The following TMEM260 variants were observed in gnomAD, a reference collection of about 807,000 sequenced individuals.
TMEM260 encodes the protein protein O-mannosyl-transferase TMEM260.
Under a neutral mutation model 88.9 loss-of-function variants are expected in TMEM260, and 82 were observed. The ratio of observed to expected loss-of-function variants is 0.92; its 90% CI spans 0.77 to 1.11. TMEM260 has a LOEUF of 1.11. TMEM260 is among the 50% of genes least tolerant of loss of function. The pLI is 0.00. For synonymous variants in TMEM260, 314 were observed against 309.3 expected, an observed-to-expected ratio of 1.02 and a Z score of -0.16; for missense variants, 902 against 853.4, an observed-to-expected ratio of 1.06 and a Z score of -0.71.
intron 14 of TMEM260, 125 bp from the exon 15 acceptor site, chr14:56,636,383 T>A (rs1048951045): frequency 1.7e-5 from 12 of 723,844 alleles, no homozygotes; most frequent in East Asian, 2.7e-5. Flanking sequence ...TATGAGAGAA[T>A]TGAAAATAAT....
At chr14:56,593,864 T>A (rs1439903455) in intron 3 of TMEM260, among the ~76,000 whole-genome samples, 6 of 151,488 alleles carry the variant, frequency 4.0e-5, no homozygotes, top group Admixed American at 3.9e-4. Context: ...ATTTTTTGTA[T>A]TTTTAGTAGA....
intron 8 of TMEM260, chr14:56,616,245 A>C (rs1887587304): frequency 2.4e-6 from 1 of 419,548 alleles, no homozygotes; most frequent in African/African-American, 2.0e-5. Context: ...ACATCTAAGT[A>C]GACAGTCATT....
chr14:56,618,104 T>C (rs1245461719), intron 9 of TMEM260, among the ~76,000 whole-genome samples: 1 of 152,086 alleles, frequency 6.6e-6, no homozygotes, highest in African/African-American at 2.4e-5. Flanking sequence ...GGACAAGTGC[T>C]TCCTGTGGGT....
intron 3 of TMEM260, among the ~76,000 whole-genome samples, chr14:56,600,991 T>C (rs1886537964): frequency 6.6e-6 from 1 of 152,108 alleles, no homozygotes. Flanking sequence ...ATCTTGACCT[T>C]AGTGGGGAGA....
chr14:56,581,656 A>G (rs1248613122), intron 1 of TMEM260, among the ~76,000 whole-genome samples: 1 of 152,228 alleles, frequency 6.6e-6, no homozygotes, highest in Non-Finnish European at 1.5e-5. Context: ...CAAGTGCTTT[A>G]TATGGGTTGT....
chr14:56,605,728 G>T, intron 5 of TMEM260, 45 bp downstream of exon 5: 1 of 1,152,080 alleles, frequency 8.7e-7, no homozygotes, highest in South Asian at 1.4e-5. Flanking sequence ...ATTTTACTTA[G>T]GTCTAATATA....
intron 15 of TMEM260, among the ~76,000 whole-genome samples, chr14:56,637,077 G>A (rs574827943): frequency 6.6e-6 from 1 of 152,332 alleles, no homozygotes; most frequent in South Asian, 2.1e-4. Flanking sequence ...GTAAAAGAGT[G>A]CAGGCCACCT....
At chr14:56,642,266 C>T (rs1005536536) in intron 15 of TMEM260, among the ~76,000 whole-genome samples, 3 of 151,998 alleles carry the variant, frequency 2.0e-5, no homozygotes, top group Non-Finnish European at 4.4e-5. Flanking sequence ...AAGTAAAGCA[C>T]TCCTCAGCAA....
chr14:56,648,725 C>A lies in TMEM260; in HGVS notation c.*1228C>A. 6.6e-6 allele frequency: 1 copy of A among 152,608 alleles called. No individual in the cohort carries two copies. Among genetic ancestry groups the A allele is most frequent in the South Asian group, 2.1e-4 (1 of 4,812 alleles). The allele number at this position is 152,608 out of a possible 1,614,324, so 9.5% of individuals were successfully genotyped here. On this transcript the variant is annotated 3_prime_UTR_variant, in exon 16 of 16. Coordinates refer to ENST00000261556, the MANE Select transcript of TMEM260 (RefSeq NM_017799.4). Reference sequence around the variant, plus strand: ...TTCATACTACGACCATAATTAAAACCACTAATTCTCTTTTAAAATGCTGCA... The same window carrying A: ...TTCATACTACGACCATAATTAAAACAACTAATTCTCTTTTAAAATGCTGCA...
intron 9 of TMEM260, among the ~76,000 whole-genome samples, chr14:56,618,008 C>T (rs1319300291): frequency 6.6e-6 from 1 of 152,146 alleles, no homozygotes; most frequent in Admixed American, 6.5e-5. Flanking sequence ...CAGATTTACC[C>T]ACTAGTCATA....
At chr14:56,662,357 T>A in the TMEM260 span, among the ~76,000 whole-genome samples, 1 of 152,148 alleles carries the variant, frequency 6.6e-6, no homozygotes. Context: ...AGGTTTAACC[T>A]TCCCAAAGAT....
chr14:56,596,381 AGTGT>A (rs376857460), intron 3 of TMEM260, among the ~76,000 whole-genome samples: 1,764 of 126,572 alleles, frequency 0.014, 35 homozygotes, highest in South Asian at 0.056. Flanking sequence ...TATATGTGAG[AGTGT>A]GTGTGTGTGT....
intron 11 of TMEM260, 62 bp from the exon 12 acceptor site, chr14:56,625,317 GATA>G (rs750735531): frequency 1.9e-6 from 3 of 1,548,980 alleles, no homozygotes; most frequent in Non-Finnish European, 2.6e-6. Flanking sequence ...GCCATTACTT[GATA>G]AACTTGATTC....
intron 15 of TMEM260, among the ~76,000 whole-genome samples, chr14:56,640,346 G>T (rs113150955): frequency 6.6e-6 from 1 of 152,158 alleles, no homozygotes; most frequent in Admixed American, 6.5e-5. Flanking sequence ...ACCAATATCC[G>T]CTGTTCTGCA....
At chr14:56,626,575 A>G (rs971631746) in intron 12 of TMEM260, among the ~76,000 whole-genome samples, 6 of 152,204 alleles carry the variant, frequency 3.9e-5, no homozygotes, top group African/African-American at 2.4e-5. Context: ...GTTCTATACT[A>G]TCAATGCCTT....
chr14:56,601,162 T>C (rs1358645849), intron 3 of TMEM260, among the ~76,000 whole-genome samples: 1 of 152,212 alleles, frequency 6.6e-6, no homozygotes, highest in Non-Finnish European at 1.5e-5. Context: ...TAAAACCTTA[T>C]GAAATATTTG....
In TMEM260 at chr14:56,580,196, C is replaced by A. The variant is rs528242977; in HGVS notation, c.160+122C>A. On this transcript the variant is annotated intron_variant, in intron 1 of 15. Transcript: ENST00000261556. Reference sequence around the variant, plus strand: ...TCAGCTCTGGGCCTCCATCCACCCCCCTGTGCACAGCGCACTATTGTGTGT... The same window carrying A: ...TCAGCTCTGGGCCTCCATCCACCCCACTGTGCACAGCGCACTATTGTGTGT... The A allele has an allele frequency of 2.7e-5, 20 of 744,510 alleles. No homozygotes were observed. In the Admixed American group the frequency reaches 4.3e-4, roughly 16 times the overall value. The allele number at this position is 744,510 out of a possible 1,614,324, so 46.1% of individuals were successfully genotyped here.
downstream of TMEM260, among the ~76,000 whole-genome samples, chr14:56,652,728 C>G (rs1253293274): frequency 2.0e-5 from 3 of 152,140 alleles, no homozygotes; most frequent in Non-Finnish European, 4.4e-5. Context: ...ATAGAGAATA[C>G]TCGTACTTAG....
intron 3 of TMEM260, among the ~76,000 whole-genome samples, chr14:56,591,361 A>G (rs1215943362): frequency 6.6e-6 from 1 of 152,208 alleles, no homozygotes; most frequent in Non-Finnish European, 1.5e-5. Flanking sequence ...TTAAATCTGT[A>G]TTGTTTATTA....
Sources: gnomAD v4.1 joint callset for allele counts (sites outside exome capture counted in the v4.1 genomes callset) on GRCh38, gnomAD v4.1.1 for gene constraint, MANE v1.5 for transcripts, NCBI Gene and HGNC (gene_info 2026-07-23, HGNC 2026-07-21) for gene names.